SUCLG2: variants seen among roughly 807,000 people sequenced by gnomAD.
SUCLG2 encodes the protein succinate-CoA ligase GDP-forming subunit beta.
Under a neutral mutation model 47.9 loss-of-function variants are expected in SUCLG2, and 42 were observed. The observed-to-expected ratio is 0.88, with a 90% confidence interval of 0.69 to 1.14. SUCLG2 has a LOEUF of 1.14. Ranked by LOEUF, SUCLG2 falls within the 50% of genes most tolerant of loss-of-function variation. The pLI is 0.00. For missense variants in SUCLG2, 571 were observed against 525.9 expected, an observed-to-expected ratio of 1.09 and a Z score of -0.84; for synonymous variants, 195 against 197.3, an observed-to-expected ratio of 0.99 and a Z score of 0.10.
intron 7 of SUCLG2, among the ~76,000 whole-genome samples, chr3:67,503,484 T>A (rs891230989): frequency 6.6e-6 from 1 of 152,220 alleles, no homozygotes; most frequent in Non-Finnish European, 1.5e-5. Flanking sequence ...TTGATGTCTA[T>A]GTCAACAGCA....
At chr3:67,390,454 C>G (rs1702355870) in intron 10 of SUCLG2, among the ~76,000 whole-genome samples, 1 of 152,170 alleles carries the variant, frequency 6.6e-6, no homozygotes, top group Non-Finnish European at 1.5e-5. Flanking sequence ...AAGGATTATT[C>G]TCCTCTTTGA....
chr3:67,487,499 TACACACACACACACACACAA>T (rs1442553519), intron 9 of SUCLG2, among the ~76,000 whole-genome samples: 1 of 149,806 alleles, frequency 6.7e-6, no homozygotes, highest in Non-Finnish European at 1.5e-5. Context: ...AACACACATA[TACACACACACACACACACAA>T]ACACACACAC....
chr3:67,424,936 A>C (rs1559521119), intron 9 of SUCLG2, among the ~76,000 whole-genome samples: 1 of 152,044 alleles, frequency 6.6e-6, no homozygotes, highest in Non-Finnish European at 1.5e-5. Context: ...TCCAGCCTAA[A>C]AGCCCTTACC....
chr3:67,649,932 C>T (rs983191782), intron 1 of SUCLG2, among the ~76,000 whole-genome samples: 11 of 152,106 alleles, frequency 7.2e-5, no homozygotes, highest in African/African-American at 2.7e-4. Flanking sequence ...GACCAGGGTA[C>T]GAGGGCAGGA....
intron 10 of SUCLG2, among the ~76,000 whole-genome samples, chr3:67,366,605 C>T (rs1198501564): frequency 6.6e-6 from 1 of 152,144 alleles, no homozygotes; most frequent in Non-Finnish European, 1.5e-5. Context: ...TATTCTGCGA[C>T]AGTGGTCCTG....
intron 9 of SUCLG2, among the ~76,000 whole-genome samples, chr3:67,415,960 C>A (rs1467687157): frequency 2.0e-5 from 3 of 152,146 alleles, no homozygotes; most frequent in Non-Finnish European, 4.4e-5. Context: ...CTGGGCAAGC[C>A]AACTGCCAAG....
intron 1 of SUCLG2, 44 bp from the exon 2 acceptor site, chr3:67,609,640 A>T: frequency 6.3e-7 from 1 of 1,587,726 alleles, no homozygotes; most frequent in African/African-American, 1.4e-5. Context: ...CATTAATAGC[A>T]AGAAAAATAA....
At chr3:67,568,820 G>C (rs1707537220) in intron 2 of SUCLG2, among the ~76,000 whole-genome samples, 1 of 152,136 alleles carries the variant, frequency 6.6e-6, no homozygotes, top group Non-Finnish European at 1.5e-5. Flanking sequence ...CCGGGAGGCG[G>C]AGCTTGCAGT....
At chr3:67,628,803 T>C (rs1211644739) in intron 1 of SUCLG2, among the ~76,000 whole-genome samples, 2 of 152,176 alleles carry the variant, frequency 1.3e-5, no homozygotes, top group Admixed American at 6.5e-5. Context: ...TAAACCTCTT[T>C]CCTTTATAAA....
chr3:67,360,645 C>A lies in SUCLG2; in HGVS notation c.1307G>T (p.Ser436Ile), dbSNP rs1216051140. ...AGTAAATCTTTAACATAAAAAAATGCTGATGGCACACTTACTCAGATTTTG... is the reference window on the plus strand; with the variant it reads ...AGTAAATCTTTAACATAAAAAAATGATGATGGCACACTTACTCAGATTTTG... Residue 436 changes from serine to isoleucine, a missense_variant, in exon 11 of 11, where the codon AGC (serine) becomes ATC (isoleucine). Ser to Ile is a moderately radical substitution (Grantham distance 142, BLOSUM62 -2). Transcript: ENST00000493112. The A allele has an allele frequency of 1.8e-5, 27 of 1,508,938 alleles. No individual in the cohort carries two copies. The highest frequency in any genetic ancestry group is 2.4e-5 in the Non-Finnish European group (27 of 1,132,404). 93.5% of individuals were successfully genotyped at this position (1,508,938 alleles called of 1,614,324 possible).
chr3:67,528,318 G>A, intron 3 of SUCLG2, 96 bp from the exon 4 acceptor site: 1 of 1,100,280 alleles, frequency 9.1e-7, no homozygotes, highest in Non-Finnish European at 1.3e-6. Context: ...ACTGCAAAGG[G>A]TTCACCTTCA....
chr3:67,494,479 G>T (rs1439433493), intron 9 of SUCLG2, among the ~76,000 whole-genome samples: 1 of 151,924 alleles, frequency 6.6e-6, no homozygotes, highest in Non-Finnish European at 1.5e-5. Flanking sequence ...AAAAAAAATT[G>T]GCCAGGCATG....
intron 1 of SUCLG2, among the ~76,000 whole-genome samples, chr3:67,626,553 G>C (rs1700833132): frequency 6.6e-6 from 1 of 152,138 alleles, no homozygotes; most frequent in Non-Finnish European, 1.5e-5. Flanking sequence ...CATCATGAAA[G>C]AGAAACAAAT....
intron 2 of SUCLG2, among the ~76,000 whole-genome samples, chr3:67,574,629 A>G (rs971820468): frequency 6.6e-6 from 1 of 152,256 alleles, no homozygotes; most frequent in Non-Finnish European, 1.5e-5. Context: ...CAGTAGAAAA[A>G]TCTTCGAGAT....
intron 2 of SUCLG2, among the ~76,000 whole-genome samples, chr3:67,590,449 G>T (rs985337410): frequency 6.6e-6 from 1 of 152,058 alleles, no homozygotes; most frequent in African/African-American, 2.4e-5. Flanking sequence ...TTTGGGTCAT[G>T]GGGGAAGATC....
intron 4 of SUCLG2, among the ~76,000 whole-genome samples, chr3:67,524,980 C>T (rs1178968857): frequency 6.6e-6 from 1 of 152,144 alleles, no homozygotes; most frequent in East Asian, 1.9e-4. Flanking sequence ...AAATCAACAC[C>T]AATTAACAAT....
Position 67,485,590 on chromosome 3 carries a change from T to C in SUCLG2, c.1062+10208A>G, listed in dbSNP as rs141225258. On this transcript the variant is annotated intron_variant, in intron 9 of 10. Transcript: ENST00000307227. ...TTCATCAGGCAATGACACATAATGC[T>C]GGAAGAAAATTTTTTAAAATGATAA... Among the ~76,000 whole-genome samples the C allele has an allele frequency of 4.4e-3, 665 of 152,314 alleles. 7 individuals are homozygous for C. Among genetic ancestry groups the C allele is most frequent in the African/African-American group, 0.015 (639 of 41,564 alleles).
At chr3:67,458,723 C>T (rs752978957) in intron 9 of SUCLG2, among the ~76,000 whole-genome samples, 2 of 152,164 alleles carry the variant, frequency 1.3e-5, no homozygotes, top group Non-Finnish European at 2.9e-5. Context: ...ATCTGAGTAA[C>T]AGGAACCACC....
intron 7 of SUCLG2, among the ~76,000 whole-genome samples, chr3:67,500,189 T>G (rs547947492): frequency 6.6e-6 from 1 of 152,334 alleles, no homozygotes; most frequent in South Asian, 2.1e-4. Flanking sequence ...GCAGTGGCTA[T>G]AATCTCCTAA....
Sources: gnomAD v4.1 joint callset for allele counts (sites outside exome capture counted in the v4.1 genomes callset) on GRCh38, gnomAD v4.1.1 for gene constraint, MANE v1.5 for transcripts, NCBI Gene and HGNC (gene_info 2026-07-23, HGNC 2026-07-21) for gene names.